CA10: variants seen among roughly 807,000 people sequenced by gnomAD.
CA10 encodes carbonic anhydrase 10 (inactive), also known as carbonic anhydrase-related protein 10.
CA10 carries 14 observed loss-of-function variants against 44.2 expected under a neutral mutation model. That is an observed-to-expected ratio of 0.32 (90% CI 0.21 to 0.50). The LOEUF (loss-of-function observed/expected upper bound fraction) is 0.50. CA10 is among the 20% of genes least tolerant of loss of function. The pLI is 0.99. For synonymous variants in CA10, 159 were observed against 141.6 expected (o/e 1.12, Z -0.87); for missense variants, 350 against 409.7 (o/e 0.85, Z 1.26).
chr17:51,683,346 C>G (rs138068311), intron 4 of CA10, among the ~76,000 whole-genome samples: 205 of 152,306 alleles, frequency 1.3e-3, no homozygotes, highest in African/African-American at 4.7e-3. Context: ...AATTTATTAG[C>G]TCTGTGACCT....
intron 2 of CA10, among the ~76,000 whole-genome samples, chr17:52,030,808 GC>G (rs1238138414): frequency 6.6e-6 from 1 of 152,088 alleles, no homozygotes; most frequent in African/African-American, 2.4e-5. Context: ...CAGGCTCCCA[GC>G]CTTTGGGCTC....
intron 4 of CA10, among the ~76,000 whole-genome samples, chr17:51,667,950 C>T (rs1914266288): frequency 6.6e-6 from 1 of 152,184 alleles, no homozygotes; most frequent in Admixed American, 6.5e-5. Flanking sequence ...TGTGAGAGCA[C>T]TGTGGCTTTA....
chr17:51,720,010 C>G (rs757188257), intron 4 of CA10, among the ~76,000 whole-genome samples: 40 of 152,078 alleles, frequency 2.6e-4, no homozygotes, highest in African/African-American at 8.9e-4. Context: ...ATCTCTGAAC[C>G]CTGGTTTTCC....
intron 1 of CA10, among the ~76,000 whole-genome samples, chr17:52,083,671 TTC>T (rs1158090198): frequency 6.6e-6 from 1 of 152,228 alleles, no homozygotes; most frequent in African/African-American, 2.4e-5. Context: ...ATATTTGACT[TTC>T]TGTTTCTGAG....
intron 4 of CA10, among the ~76,000 whole-genome samples, chr17:51,721,698 T>A (rs775994503): frequency 2.0e-5 from 3 of 151,134 alleles, no homozygotes; most frequent in Non-Finnish European, 4.4e-5. Flanking sequence ...TGGTGAGGGG[T>A]CATAATTATT....
At chr17:52,010,284 A>G (rs1985743085) in intron 2 of CA10, among the ~76,000 whole-genome samples, 1 of 152,052 alleles carries the variant, frequency 6.6e-6, no homozygotes, top group Non-Finnish European at 1.5e-5. Flanking sequence ...ATTATAGAAA[A>G]AAGATACTTG....
intron 3 of CA10, among the ~76,000 whole-genome samples, chr17:51,891,481 G>T (rs1314654227): frequency 1.3e-5 from 2 of 152,216 alleles, no homozygotes; most frequent in African/African-American, 4.8e-5. Flanking sequence ...AATAGAGTTT[G>T]TGAATGGAAG....
rs535242166 is a variant in CA10, at chr17:51,962,299, C to A, written c.137-31167G>T. Among the ~76,000 whole-genome samples, 6 of 152,354 alleles carry A rather than the reference C, an allele frequency of 3.9e-5. No homozygotes were observed. The South Asian group carries it at 6.2e-4, about 16-fold the overall frequency. On this transcript the variant is annotated intron_variant, in intron 2 of 8. Transcript: ENST00000451037. ...GCAAAAAAGGTTTCCCAGCCCCTTG[C>A]CCAGTCACACCTTTGGGGGCTTGGT... is the stretch of plus-strand genomic sequence containing the variant.
At chr17:51,984,396 T>C (rs1346448667) in intron 2 of CA10, among the ~76,000 whole-genome samples, 4 of 151,680 alleles carry the variant, frequency 2.6e-5, no homozygotes, top group East Asian at 1.9e-4. Context: ...AATGCCTACA[T>C]TGAAAAGGCT....
rs141421324 is a variant in CA10 at position 51,816,855 on chromosome 17, T to C, written c.280-69037A>G. 1.1e-3 allele frequency among the ~76,000 whole-genome samples: 167 copies of C among 152,304 alleles called. 1 individual carries two copies. The highest frequency in any genetic ancestry group is 3.8e-3 in the African/African-American group (159 of 41,574). On this transcript the variant is annotated intron_variant, in intron 3 of 8. Transcript: ENST00000451037. Reference sequence around the variant, plus strand: ...CAAAGAGGACCACGGCACAAAAATATTGAGTTGCTGCTCTTGGTGGAAGGA... The same window carrying C: ...CAAAGAGGACCACGGCACAAAAATACTGAGTTGCTGCTCTTGGTGGAAGGA...
At chr17:52,105,439 T>G (rs565957193) in intron 1 of CA10, among the ~76,000 whole-genome samples, 18 of 152,190 alleles carry the variant, frequency 1.2e-4, no homozygotes, top group African/African-American at 4.3e-4. Context: ...TATTTTTTAG[T>G]AGAGAGGGGG....
intron 6 of CA10, among the ~76,000 whole-genome samples, chr17:51,643,771 G>C (rs1913201328): frequency 6.6e-6 from 1 of 152,182 alleles, no homozygotes; most frequent in Admixed American, 6.5e-5. Context: ...AGCTGGATTT[G>C]ATAGCCAGGT....
chr17:51,966,799 C>T (rs1479534178), intron 2 of CA10, among the ~76,000 whole-genome samples: 1 of 151,318 alleles, frequency 6.6e-6, no homozygotes, highest in Non-Finnish European at 1.5e-5. Context: ...ATAAATTCTG[C>T]CTTGGGACAG....
chr17:52,065,667 A>G (rs2215407), intron 2 of CA10, among the ~76,000 whole-genome samples: 150,741 of 152,294 alleles, frequency 0.99, 74,619 homozygotes, highest in East Asian at 1. Flanking sequence ...AGTTCCTTTC[A>G]GGTAAAATCC....
In CA10 at chr17:51,645,938, A is replaced by C. The variant is rs143386456; in HGVS notation, c.634+3244T>G. Among the ~76,000 whole-genome samples the C allele has an allele frequency of 6.2e-3, 950 of 152,162 alleles. 10 individuals are homozygous for C. Among genetic ancestry groups the C allele is most frequent in the African/African-American group, 0.022 (909 of 41,518 alleles). Reference sequence around the variant, plus strand: ...TGTGTGAGTTTCATGACTAGGCCTTAAGTCACATCACTTATTTCTTCCCTC... The same window carrying C: ...TGTGTGAGTTTCATGACTAGGCCTTCAGTCACATCACTTATTTCTTCCCTC... On this transcript the variant is annotated intron_variant, in intron 6 of 8. Coordinates refer to ENST00000451037, the MANE Select transcript of CA10 (RefSeq NM_020178.5).
At chr17:51,653,785 G>T in intron 4 of CA10, 49 bp from the exon 5 acceptor site, 2 of 1,105,856 alleles carry the variant, frequency 1.8e-6, no homozygotes, top group South Asian at 1.2e-5. Flanking sequence ...AACATTAAAA[G>T]GTATGAGGCA....
chr17:52,009,590 T>C (rs1003565), intron 2 of CA10, among the ~76,000 whole-genome samples: 55,497 of 151,828 alleles, frequency 0.37, 12,191 homozygotes, highest in East Asian at 0.73. Flanking sequence ...ACCAGGCTTT[T>C]AGAATACCTC....
chr17:52,124,807 C>A (rs1350090368), intron 1 of CA10, among the ~76,000 whole-genome samples: 1 of 152,182 alleles, frequency 6.6e-6, no homozygotes, highest in Non-Finnish European at 1.5e-5. Flanking sequence ...ACTTAGGAAT[C>A]TTTCTCACTG....
chr17:51,766,616 A>C (rs1178196019), intron 3 of CA10, among the ~76,000 whole-genome samples: 5 of 152,178 alleles, frequency 3.3e-5, no homozygotes, highest in Non-Finnish European at 7.3e-5. Flanking sequence ...TGGGGAGATA[A>C]ATGAATATGT....
Sources: gnomAD v4.1 joint callset for allele counts (sites outside exome capture counted in the v4.1 genomes callset) on GRCh38, gnomAD v4.1.1 for gene constraint, MANE v1.5 for transcripts, NCBI Gene and HGNC (gene_info 2026-07-23, HGNC 2026-07-21) for gene names.